The following KCTD3 variants were observed in gnomAD, a reference collection of about 807,000 sequenced individuals.
KCTD3 encodes the protein potassium channel tetramerization domain containing 3.
In KCTD3, 41 loss-of-function variants were observed where a neutral mutation model predicts 85.8. That is an observed-to-expected ratio of 0.48 (90% CI 0.37 to 0.62). The LOEUF is 0.62. Among genes scored for constraint, KCTD3 ranks in the 20% least tolerant of loss-of-function variants. KCTD3 has a pLI of 0.00. For missense variants in KCTD3, 724 were observed against 989.9 expected, an observed-to-expected ratio of 0.73 and a Z score of 3.60; for synonymous variants, 338 against 345.4, an observed-to-expected ratio of 0.98 and a Z score of 0.24.
chr1:215,572,632 CG>C (rs1345645860), intron 1 of KCTD3, among the ~76,000 whole-genome samples: 1 of 152,130 alleles, frequency 6.6e-6, no homozygotes, highest in East Asian at 1.9e-4. Context: ...GCAACTTCCA[CG>C]TTTTTGATAA....
At chr1:215,582,970 G>C (rs1314509516) in intron 8 of KCTD3, among the ~76,000 whole-genome samples, 1 of 152,142 alleles carries the variant, frequency 6.6e-6, no homozygotes, top group Non-Finnish European at 1.5e-5. Context: ...CTTATTAAGA[G>C]TTAAATTCTG....
chr1:215,620,170 G>T lies in KCTD3; in HGVS notation c.2000G>T (p.Ser667Ile). Residue 667 changes from serine to isoleucine, a missense_variant, in exon 18 of 18, where the codon AGT becomes ATT. Around this residue, in one of 6 missense-constraint regions of KCTD3, gnomAD observed 222 missense variants for 217.7 expected, o/e 1.02. Coordinates refer to ENST00000259154, the MANE Select transcript of KCTD3 (RefSeq NM_016121.5). ...GCAAGAAGGACTGAGAGCTTTCACAGTTATAGGGACTTCCAGACTATTAAT... is the reference window on the plus strand; with the variant it reads ...GCAAGAAGGACTGAGAGCTTTCACATTTATAGGGACTTCCAGACTATTAAT... ...ARARRTESFH[S>I]YRDFQTINLN... The T allele has an allele frequency of 2.5e-6, 4 of 1,613,832 alleles. No homozygotes were observed. Among genetic ancestry groups the T allele is most frequent in the Non-Finnish European group, 3.4e-6 (4 of 1,179,812 alleles).
intron 1 of KCTD3, among the ~76,000 whole-genome samples, chr1:215,568,924 T>G (rs549414428): frequency 6.6e-6 from 1 of 152,190 alleles, no homozygotes; most frequent in African/African-American, 2.4e-5. Context: ...TATGGAGATT[T>G]ATGTCTCCTA....
intron 15 of KCTD3, among the ~76,000 whole-genome samples, chr1:215,617,847 T>C (rs1655516133): frequency 6.8e-6 from 1 of 147,820 alleles, no homozygotes; most frequent in South Asian, 2.1e-4. Context: ...ATATATTTAG[T>C]ATATACGTAA....
chr1:215,596,059 T>C (rs1289894232), intron 10 of KCTD3, among the ~76,000 whole-genome samples: 1 of 152,062 alleles, frequency 6.6e-6, no homozygotes. Flanking sequence ...CTAATGGCAG[T>C]GGTGGTCGAG....
At chr1:215,610,064 G>C (rs943653642) in intron 14 of KCTD3, among the ~76,000 whole-genome samples, 4 of 151,892 alleles carry the variant, frequency 2.6e-5, no homozygotes, top group Admixed American at 1.3e-4. Flanking sequence ...GGGACAGGGA[G>C]GCTTTTCATT....
At chr1:215,613,338 A>G (rs980616184) in intron 15 of KCTD3, among the ~76,000 whole-genome samples, 1 of 152,058 alleles carries the variant, frequency 6.6e-6, no homozygotes, top group East Asian at 1.9e-4. Flanking sequence ...TCGTTTGCCC[A>G]CTTTCTAATG....
intron 12 of KCTD3, among the ~76,000 whole-genome samples, chr1:215,603,409 A>G (rs1392619083): frequency 6.6e-6 from 1 of 152,110 alleles, no homozygotes; most frequent in Non-Finnish European, 1.5e-5. Context: ...AGGTCACTGA[A>G]TTTTTTCCTA....
At chr1:215,616,081 G>A (rs909649676) in intron 15 of KCTD3, among the ~76,000 whole-genome samples, 4 of 152,182 alleles carry the variant, frequency 2.6e-5, no homozygotes, top group African/African-American at 4.8e-5. Context: ...TGGGGAAAGA[G>A]CGTTCTGGTT....
intron 9 of KCTD3, among the ~76,000 whole-genome samples, chr1:215,594,553 A>G (rs1019061728): frequency 1.8e-4 from 28 of 152,138 alleles, no homozygotes; most frequent in African/African-American, 6.8e-4. Flanking sequence ...CTTTTCTAAG[A>G]TATATTTTCA....
chr1:215,598,663 G>T (rs1176926857), intron 10 of KCTD3, among the ~76,000 whole-genome samples: 1 of 151,734 alleles, frequency 6.6e-6, no homozygotes, highest in East Asian at 1.9e-4. Context: ...TCAGAAAATG[G>T]AGGGAAATAA....
At chr1:215,615,961 G>A (rs1393722780) in intron 15 of KCTD3, among the ~76,000 whole-genome samples, 1 of 152,168 alleles carries the variant, frequency 6.6e-6, no homozygotes, top group African/African-American at 2.4e-5. Flanking sequence ...TTTCTCCCAG[G>A]GATGGGGCAG....
rs181799188 is a variant in KCTD3 at position 215,604,769 on chromosome 1, G to A, written c.1309+467G>A. 1.3e-4 allele frequency among the ~76,000 whole-genome samples: 20 copies of A among 150,024 alleles called. No homozygotes were observed. The East Asian group carries it at 3.9e-3, about 29-fold the overall frequency. ...TCAAGTTTTACTTTTAATATAAATT[G>A]GGTTGATTATATTATGGTTTAATGC... On this transcript the variant is annotated intron_variant, in intron 13 of 17. Transcript: ENST00000259154.
chr1:215,575,853 A>G (rs1659554245), intron 3 of KCTD3, 48 bp from the exon 4 acceptor site: 2 of 1,064,656 alleles, frequency 1.9e-6, no homozygotes, highest in South Asian at 2.9e-5. Flanking sequence ...TATTAAAGTT[A>G]AAAGATTAAT....
chr1:215,571,439 G>A (rs922393903), intron 1 of KCTD3, among the ~76,000 whole-genome samples: 2 of 152,126 alleles, frequency 1.3e-5, no homozygotes, highest in Admixed American at 6.5e-5. Context: ...TAAACACCTA[G>A]ACTGTCCATA....
At position 215,619,030 on chromosome 1, in the gene KCTD3, G is replaced by C; in HGVS notation, c.1707G>C (p.Leu569=). 6.2e-7 allele frequency: 1 copy of C among 1,613,708 alleles called. No homozygotes were observed. The highest frequency in any genetic ancestry group is 1.1e-5 in the South Asian group (1 of 90,868). ...HTNGSIQMWD[L]TTAMDMVNKS... ...ATGGCAGTATTCAAATGTGGGATCT[G>C]ACCACTGCTATGGATATGGTTAACA... Residue 569 remains leucine (L), a synonymous_variant, in exon 16 of 18, where the codon CTG becomes CTC. Transcript: ENST00000259154.
intron 3 of KCTD3, 126 bp from the exon 4 acceptor site, chr1:215,575,770 AAAGTT>A (rs1659550564): frequency 3.6e-6 from 2 of 562,454 alleles, no homozygotes; most frequent in Non-Finnish European, 6.2e-6. Context: ...TAGAAACATT[AAAGTT>A]TAAGAGTGGA....
In KCTD3 at chr1:215,578,095, ATTAAATCT is replaced by A; in HGVS notation, c.397+17_397+24del. The A allele has an allele frequency of 6.2e-7, 1 of 1,602,592 alleles. No homozygotes were observed. The highest frequency in any genetic ancestry group is 1.1e-5 in the South Asian group (1 of 88,764). ...TGCCCCCACCAGGTATTTTCACTTT[ATTAAATCT>A]TTTAAAAAATTCCTTGTATCATTAA... On this transcript the variant is annotated intron_variant, in intron 6 of 17. Transcript: ENST00000259154.
At chr1:215,608,766 C>T (rs1026735073) in intron 14 of KCTD3, among the ~76,000 whole-genome samples, 1 of 151,908 alleles carries the variant, frequency 6.6e-6, no homozygotes, top group African/African-American at 2.4e-5. Context: ...ATTCCACCCC[C>T]GGCCCCATTT....
Sources: allele counts gnomAD v4.1 joint callset (sites outside exome capture counted in the v4.1 genomes callset), GRCh38; gene constraint gnomAD v4.1.1; regional missense constraint gnomAD v4.1.1; transcripts MANE v1.5; gene names NCBI Gene and HGNC (gene_info 2026-07-23, HGNC 2026-07-21).